The following CCNY variants were observed in gnomAD, a reference collection of about 807,000 sequenced individuals.
The protein encoded by CCNY is cyclin Y.
A neutral mutation model predicts 42.8 loss-of-function variants in CCNY; 19 were observed. The ratio of observed to expected loss-of-function variants is 0.44; its 90% CI spans 0.31 to 0.65. The LOEUF (loss-of-function observed/expected upper bound fraction) is 0.65, where lower values mean the gene tolerates loss of function less well. Among genes scored for constraint, CCNY ranks in the 30% least tolerant of loss-of-function variants. The probability of loss-of-function intolerance (pLI) is 0.07; values close to 1 mark genes in which losing one functional copy is unlikely to be tolerated. For synonymous variants in CCNY, 165 were observed against 162.7 expected (o/e 1.01, Z -0.11); for missense variants, 370 against 437.3 (o/e 0.85, Z 1.37).
rs114637339 is a variant in CCNY, at chr10:35,504,056, T to C, written c.264+2521T>C. On this transcript the variant is annotated intron_variant, in intron 3 of 9. Coordinates refer to ENST00000374704, the MANE Select transcript of CCNY (RefSeq NM_145012.6). Reference sequence around the variant, plus strand: ...CGCCCTTATTATACCATTTCATTTTTTATTTGCTTTATTGTGAGGGATGTT... The same window carrying C: ...CGCCCTTATTATACCATTTCATTTTCTATTTGCTTTATTGTGAGGGATGTT... Among the ~76,000 whole-genome samples, 1,068 of 152,352 alleles carry C rather than the reference T, an allele frequency of 7.0e-3. 10 individuals are homozygous for C. Among genetic ancestry groups the C allele is most frequent in the African/African-American group, 0.025 (1,019 of 41,578 alleles).
chr10:35,282,054 A>G (rs1033198013), intron 3 of CCNY, among the ~76,000 whole-genome samples: 1 of 146,668 alleles, frequency 6.8e-6, no homozygotes, highest in African/African-American at 2.5e-5. Flanking sequence ...GGACATCACT[A>G]TTCTCTTACT....
chr10:35,465,938 A>AGAGAGAGAGAGAGAGAGGGTGTGT, intron 1 of CCNY, among the ~76,000 whole-genome samples: 1 of 80,960 alleles, frequency 1.2e-5, no homozygotes, highest in Non-Finnish European at 2.6e-5. Flanking sequence ...AGAGAGAGAG[A>AGAGAGAGAGAGAGAGAGGGTGTGT]GTGTGTGTGT....
intron 1 of CCNY, among the ~76,000 whole-genome samples, chr10:35,354,220 C>G (rs1836492340): frequency 6.8e-6 from 1 of 146,462 alleles, no homozygotes; most frequent in Non-Finnish European, 1.5e-5. Context: ...ACATCTCACT[C>G]TGTCGCTCAG....
At chr10:35,400,270 G>C (rs923797252) in intron 1 of CCNY, among the ~76,000 whole-genome samples, 14 of 151,936 alleles carry the variant, frequency 9.2e-5, no homozygotes, top group African/African-American at 3.4e-4. Flanking sequence ...GCACAGTGCA[G>C]GGGGCGGCGG....
chr10:35,321,314 A>C (rs1434936757), intron 3 of CCNY, among the ~76,000 whole-genome samples: 4 of 152,128 alleles, frequency 2.6e-5, no homozygotes, highest in Non-Finnish European at 4.4e-5. Context: ...ATGAACTACA[A>C]GACTAAATAT....
chr10:35,483,549 C>T, intron 2 of CCNY, 71 bp downstream of exon 2: 1 of 945,470 alleles, frequency 1.1e-6, no homozygotes, highest in Non-Finnish European at 1.7e-6. Flanking sequence ...GTTGATTTCC[C>T]ACAGGATTTA....
chr10:35,551,241 C>T (rs1369934265), intron 7 of CCNY, among the ~76,000 whole-genome samples: 2 of 152,166 alleles, frequency 1.3e-5, no homozygotes, highest in Non-Finnish European at 2.9e-5. Context: ...AAAGTTCAGC[C>T]GCCTCCTCAA....
At chr10:35,486,801 T>C (rs1043539512) in intron 2 of CCNY, among the ~76,000 whole-genome samples, 2 of 152,206 alleles carry the variant, frequency 1.3e-5, no homozygotes, top group African/African-American at 2.4e-5. Context: ...GCCACTTGCC[T>C]CACACCTGGA....
At chr10:35,381,039 G>C (rs11010186) in intron 1 of CCNY, among the ~76,000 whole-genome samples, 44,848 of 152,016 alleles carry the variant, frequency 0.3, 6,844 homozygotes, top group Admixed American at 0.35. Flanking sequence ...TCCAGTGCTG[G>C]TGATGAGGGG....
intron 1 of CCNY, among the ~76,000 whole-genome samples, chr10:35,445,976 C>T (rs1838782144): frequency 1.3e-5 from 2 of 152,016 alleles, no homozygotes; most frequent in Admixed American, 1.3e-4. Flanking sequence ...CTTTAGGCTT[C>T]GTTTAGCACC....
intron 1 of CCNY, among the ~76,000 whole-genome samples, chr10:35,461,708 C>A (rs1182161902): frequency 1.3e-5 from 2 of 152,162 alleles, no homozygotes; most frequent in African/African-American, 4.8e-5. Context: ...AACCCAAGGT[C>A]TCTTTTGCTG....
At chr10:35,265,094 G>A (rs2095723887) in intron 3 of CCNY, among the ~76,000 whole-genome samples, 1 of 152,076 alleles carries the variant, frequency 6.6e-6, no homozygotes, top group South Asian at 2.1e-4. Flanking sequence ...ATTTTGCTCT[G>A]CACTCTTAAT....
intron 3 of CCNY, among the ~76,000 whole-genome samples, chr10:35,330,066 C>A (rs1273124122): frequency 6.6e-6 from 1 of 152,158 alleles, no homozygotes; most frequent in Non-Finnish European, 1.5e-5. Context: ...TGGGTTTTGT[C>A]CTGTTAGGGA....
chr10:35,427,739 CA>C (rs1838300683), intron 1 of CCNY, among the ~76,000 whole-genome samples: 1 of 152,236 alleles, frequency 6.6e-6, no homozygotes, highest in Non-Finnish European at 1.5e-5. Context: ...TTTTCCAAAA[CA>C]AAGTACAATG....
intron 1 of CCNY, among the ~76,000 whole-genome samples, chr10:35,427,574 T>C (rs932738660): frequency 6.6e-6 from 1 of 152,236 alleles, no homozygotes; most frequent in Non-Finnish European, 1.5e-5. Flanking sequence ...TCCATAAATA[T>C]GAATGAATAT....
At chr10:35,567,750 A>C (rs968747391) in intron 9 of CCNY, among the ~76,000 whole-genome samples, 1 of 152,256 alleles carries the variant, frequency 6.6e-6, no homozygotes, top group East Asian at 1.9e-4. Flanking sequence ...CAAGAAGTAA[A>C]CCATAGAAAA....
At chr10:35,284,959 T>C (rs1362999318) in intron 3 of CCNY, among the ~76,000 whole-genome samples, 1 of 152,214 alleles carries the variant, frequency 6.6e-6, no homozygotes, top group African/African-American at 2.4e-5. Flanking sequence ...ACTTTCATTA[T>C]GTTAGAGCCC....
chr10:35,253,056 G>A (rs1161788195), intron 3 of CCNY, among the ~76,000 whole-genome samples: 1 of 152,042 alleles, frequency 6.6e-6, no homozygotes, highest in Non-Finnish European at 1.5e-5. Flanking sequence ...AAAATTCACG[G>A]GACTGAACAC....
chr10:35,563,011 C>T lies in CCNY; in HGVS notation c.747-3012C>T, dbSNP rs377724322. The stretch of plus-strand genomic sequence containing the variant: ...GTCGACTTGAATATATTTCTTACAA[C>T]GTTTTACACCAAAACTGTTTCTTCA... On this transcript the variant is annotated intron_variant, in intron 8 of 9. Transcript: ENST00000374704. Among the ~76,000 whole-genome samples the T allele has an allele frequency of 1.6e-4, 24 of 151,748 alleles. No homozygotes were observed. The East Asian group carries it at 2.3e-3, about 15-fold the overall frequency.
Sources: allele counts gnomAD v4.1 joint callset (sites outside exome capture counted in the v4.1 genomes callset), GRCh38; gene constraint gnomAD v4.1.1; transcripts MANE v1.5; gene names NCBI Gene and HGNC (gene_info 2026-07-23, HGNC 2026-07-21).